CLASP1: variants seen among roughly 807,000 people sequenced by gnomAD.
CLASP1 encodes the protein CLIP-associating protein 1.
CLASP1 carries 38 observed loss-of-function variants against 192.3 expected under a neutral mutation model. The ratio of observed to expected loss-of-function variants is 0.20; its 90% CI spans 0.15 to 0.26. The LOEUF is 0.26. Ranked by LOEUF, CLASP1 falls within the 10% of genes least tolerant of loss-of-function variation. The pLI, the probability that CLASP1 is intolerant of heterozygous loss-of-function variation, is 1.00. For missense variants in CLASP1, 1,433 were observed against 1,932.5 expected, an observed-to-expected ratio of 0.74 and a Z score of 4.85; for synonymous variants, 691 against 712.8, an observed-to-expected ratio of 0.97 and a Z score of 0.49.
At position 121,518,529 on chromosome 2, in the gene CLASP1, AT is replaced by A. The variant is rs1247944727; in HGVS notation, c.547-2768del. ...GCTGACAAACACAGATTATCAGTTTATTTTGAGGGAAAAAAATAATTTCTAA... is the reference window on the plus strand; with the variant it reads ...GCTGACAAACACAGATTATCAGTTTATTTGAGGGAAAAAAATAATTTCTAA... On this transcript the variant is annotated intron_variant, in intron 6 of 39. Transcript: ENST00000263710. Among the ~76,000 whole-genome samples the A allele has an allele frequency of 7.2e-5, 11 of 152,278 alleles. No individual in the cohort carries two copies. In the East Asian group the frequency reaches 7.7e-4, roughly 11 times the overall value.
exon 2 of CLASP1, chr2:121,606,025 A>G (rs2064374285): frequency 4.1e-6 from 3 of 723,336 alleles, no homozygotes; most frequent in South Asian, 3.7e-5. Context: ...CAAAGATGCA[A>G]TCTGGGGAAT....
chr2:121,386,571 T>C (rs2073237308), intron 32 of CLASP1, among the ~76,000 whole-genome samples: 1 of 152,266 alleles, frequency 6.6e-6, no homozygotes. Flanking sequence ...CCTCAGCTTC[T>C]ATAGGGCCAA....
intron 22 of CLASP1, among the ~76,000 whole-genome samples, chr2:121,424,045 T>TC: frequency 6.6e-6 from 1 of 152,194 alleles, no homozygotes; most frequent in Admixed American, 6.5e-5. Context: ...TAGAAACCTT[T>TC]CCCCTCATCT....
chr2:121,525,773 T>C (rs2094560551), intron 6 of CLASP1, 72 bp downstream of exon 6: 2 of 1,034,390 alleles, frequency 1.9e-6, no homozygotes, highest in South Asian at 2.7e-5. Context: ...TCCCACCCAC[T>C]ACGGAACACC....
At chr2:121,377,066 C>T (rs1269420146) in intron 34 of CLASP1, among the ~76,000 whole-genome samples, 5 of 152,206 alleles carry the variant, frequency 3.3e-5, no homozygotes, top group Admixed American at 1.3e-4. Flanking sequence ...AACCATCCTC[C>T]CACCAACTGG....
At chr2:121,364,033 C>T (rs1328627919) in intron 36 of CLASP1, 1 of 152,244 alleles carries the variant, frequency 6.6e-6, no homozygotes, top group East Asian at 1.9e-4. Context: ...CAAGGCATAA[C>T]TGCCTTACGA....
chr2:121,503,182 T>C (rs1184640704), exon 8 of CLASP1: 2 of 1,550,214 alleles, frequency 1.3e-6, no homozygotes, highest in Admixed American at 3.9e-5. Context: ...GCAGATTGTA[T>C]CATGTTTCCA....
chr2:121,529,833 G>T (rs2094707244), intron 3 of CLASP1, among the ~76,000 whole-genome samples: 1 of 152,226 alleles, frequency 6.6e-6, no homozygotes, highest in Admixed American at 6.5e-5. Flanking sequence ...CATTAAAGGG[G>T]ACCGGGGTCA....
intron 37 of CLASP1, among the ~76,000 whole-genome samples, chr2:121,359,958 G>A (rs969965812): frequency 6.6e-6 from 1 of 152,172 alleles, no homozygotes; most frequent in Non-Finnish European, 1.5e-5. Flanking sequence ...CAAAGCAGAC[G>A]CTTGCTTATA....
intron 37 of CLASP1, among the ~76,000 whole-genome samples, chr2:121,356,376 G>A (rs1016001721): frequency 6.6e-6 from 1 of 152,352 alleles, no homozygotes; most frequent in African/African-American, 2.4e-5. Flanking sequence ...ATGGTCCTGG[G>A]ATTTACAACG....
At chr2:121,529,674 T>C (rs2094700543) in intron 3 of CLASP1, among the ~76,000 whole-genome samples, 1 of 152,242 alleles carries the variant, frequency 6.6e-6, no homozygotes, top group African/African-American at 2.4e-5. Context: ...GCTGACATAC[T>C]GTTTTCCCTT....
chr2:121,451,228 T>C (rs1484369042), intron 15 of CLASP1, among the ~76,000 whole-genome samples: 1 of 152,250 alleles, frequency 6.6e-6, no homozygotes, highest in African/African-American at 2.4e-5. Context: ...AGGACTTTGA[T>C]AACCCTATTC....
intron 10 of CLASP1, among the ~76,000 whole-genome samples, chr2:121,462,226 A>C (rs2088198781): frequency 6.6e-6 from 1 of 151,970 alleles, no homozygotes; most frequent in Non-Finnish European, 1.5e-5. Flanking sequence ...AAAAAAAAAA[A>C]ATCCCTAAAT....
intron 1 of CLASP1, among the ~76,000 whole-genome samples, chr2:121,636,140 G>A (rs1017681629): frequency 2.0e-5 from 3 of 150,810 alleles, no homozygotes; most frequent in Admixed American, 6.6e-5. Flanking sequence ...AGTTCAAGAC[G>A]AACCTGGTCA....
chr2:121,449,080 C>T (rs1445517438), exon 17 of CLASP1: 1 of 1,613,856 alleles, frequency 6.2e-7, no homozygotes, highest in African/African-American at 1.3e-5. Context: ...TACAAGTGCT[C>T]TGCTTCTCTG....
intron 19 of CLASP1, among the ~76,000 whole-genome samples, chr2:121,434,531 G>A (rs1475737959): frequency 6.6e-6 from 1 of 152,024 alleles, no homozygotes; most frequent in Non-Finnish European, 1.5e-5. Flanking sequence ...CTCCCAAAGT[G>A]CTCAGATTAT....
chr2:121,443,341 C>T (rs2083695533), intron 19 of CLASP1, among the ~76,000 whole-genome samples: 3 of 151,666 alleles, frequency 2.0e-5, no homozygotes, highest in Admixed American at 2.0e-4. Flanking sequence ...GATTTCAATT[C>T]TGTTATATAG....
chr2:121,632,056 A>C (rs970909299), intron 1 of CLASP1, among the ~76,000 whole-genome samples: 1 of 151,940 alleles, frequency 6.6e-6, no homozygotes, highest in Non-Finnish European at 1.5e-5. Flanking sequence ...CAAAACAAAT[A>C]AAATAAAATA....
chr2:121,531,694 C>G, intron 2 of CLASP1, among the ~76,000 whole-genome samples: 1 of 151,664 alleles, frequency 6.6e-6, no homozygotes, highest in East Asian at 1.9e-4. Context: ...ATGGTGAAAC[C>G]CCGTCTCTAC....
Sources: allele counts gnomAD v4.1 joint callset (sites outside exome capture counted in the v4.1 genomes callset), GRCh38; gene constraint gnomAD v4.1.1; transcripts MANE v1.5; gene names NCBI Gene and HGNC (gene_info 2026-07-23, HGNC 2026-07-21).